The following CSNK1G2 variants were observed in gnomAD, a reference collection of about 807,000 sequenced individuals.
CSNK1G2 encodes the protein casein kinase I isoform gamma-2.
In CSNK1G2, 11 loss-of-function variants were observed where a neutral mutation model predicts 48.0. The ratio of observed to expected loss-of-function variants is 0.23; its 90% CI spans 0.14 to 0.38. The LOEUF is 0.38. Ranked by LOEUF, CSNK1G2 falls within the 10% of genes least tolerant of loss-of-function variation. CSNK1G2 has a pLI of 1.00. For synonymous variants in CSNK1G2, 337 were observed against 254.1 expected, an observed-to-expected ratio of 1.33 and a Z score of -3.10; for missense variants, 446 against 595.5, an observed-to-expected ratio of 0.75 and a Z score of 2.61.
At position 1,944,054 on chromosome 19, in the gene CSNK1G2, C is replaced by G. The variant is rs1018898972; in HGVS notation, c.-266+2636C>G. ...CAGGGCCCATGTGAAGGAGGCCTGG[C>G]CCGAGTCCTGGTTAGGGTTGCGGTG... is the stretch of plus-strand genomic sequence containing the variant. On this transcript the variant is annotated intron_variant, in intron 1 of 11. Coordinates refer to ENST00000255641, the MANE Select transcript of CSNK1G2 (RefSeq NM_001319.7). 2.6e-5 allele frequency among the ~76,000 whole-genome samples: 4 copies of G among 152,058 alleles called. 1 individual carries two copies. The highest frequency in any genetic ancestry group is 2.0e-4 in the Admixed American group (3 of 15,268).
chr19:1,946,854 G>A (rs8108829), intron 1 of CSNK1G2, among the ~76,000 whole-genome samples: 21,154 of 151,494 alleles, frequency 0.14, 1,681 homozygotes, highest in African/African-American at 0.23. Context: ...CTTGTGATCT[G>A]CCCGCCTCGG....
intron 1 of CSNK1G2, among the ~76,000 whole-genome samples, chr19:1,965,368 G>A (rs189696881): frequency 7.8e-6 from 1 of 128,548 alleles, no homozygotes; most frequent in Non-Finnish European, 1.6e-5. Context: ...GGGCGACAGA[G>A]CGAGACTCCG....
At position 1,957,841 on chromosome 19, in the gene CSNK1G2, C is replaced by T. The variant is rs989490235; in HGVS notation, c.-265-11667C>T. Reference sequence around the variant, plus strand: ...CCGTGTTTGTGGGGTGGGAGCTAGGCGGGCGCCGTTTATGTGGGGTGGGCG... The same window carrying T: ...CCGTGTTTGTGGGGTGGGAGCTAGGTGGGCGCCGTTTATGTGGGGTGGGCG... On this transcript the variant is annotated intron_variant, in intron 1 of 11. Coordinates refer to ENST00000255641, the MANE Select transcript of CSNK1G2 (RefSeq NM_001319.7). The surrounding 1 kb of genome is among the most constrained non-coding windows in gnomAD (Gnocchi z 5.4). Among the ~76,000 whole-genome samples the T allele has an allele frequency of 2.0e-5, 3 of 150,884 alleles. No individual in the cohort carries two copies. The highest frequency in any genetic ancestry group is 2.1e-4 in the South Asian group (1 of 4,726).
Position 1,957,612 on chromosome 19 carries a change from G to A in CSNK1G2, c.-265-11896G>A, listed in dbSNP as rs986010310. ...CCCCATGTCCCCTCGCCCGGGGCGCGCTCCACAGGCTAGGCCACTTTCACA... is the reference window on the plus strand; with the variant it reads ...CCCCATGTCCCCTCGCCCGGGGCGCACTCCACAGGCTAGGCCACTTTCACA... On this transcript the variant is annotated intron_variant, in intron 1 of 11. Coordinates refer to ENST00000255641, the MANE Select transcript of CSNK1G2 (RefSeq NM_001319.7). This position sits in a 1 kb window ranked among gnomAD's most constrained non-coding sequence, Gnocchi z 5.4. 3.3e-5 allele frequency among the ~76,000 whole-genome samples: 5 copies of A among 152,174 alleles called. No individual in the cohort carries two copies. The highest frequency in any genetic ancestry group is 7.2e-5 in the African/African-American group (3 of 41,454).
intron 1 of CSNK1G2, among the ~76,000 whole-genome samples, chr19:1,951,357 C>T (rs1042514441): frequency 2.8e-5 from 4 of 144,000 alleles, no homozygotes; most frequent in Admixed American, 6.9e-5. Flanking sequence ...GAGCCGAGAT[C>T]GCACCACTGC....
intron 7 of CSNK1G2, 25 bp from the exon 8 acceptor site, chr19:1,979,294 C>G (rs1175103351): frequency 1.3e-6 from 2 of 1,583,594 alleles, no homozygotes; most frequent in South Asian, 2.3e-5. Flanking sequence ...AGGGCGGGAG[C>G]AAGGCTGACC....
chr19:1,968,742 G>A (rs781619905), intron 1 of CSNK1G2: 104 of 152,850 alleles, frequency 6.8e-4, no homozygotes, highest in Non-Finnish European at 1.4e-3. Flanking sequence ...CCTTGCTTAG[G>A]TGGCTGTTGG....
intron 2 of CSNK1G2, chr19:1,975,116 T>G (rs2015708580): frequency 1.0e-6 from 1 of 985,028 alleles, no homozygotes; most frequent in African/African-American, 1.7e-5. Flanking sequence ...CAGTGCAGAG[T>G]AGAAGAGCCG....
rs751155719 is a variant in CSNK1G2, at chr19:1,980,476, A to G, written c.*273A>G. 14 of 517,724 alleles carry G rather than the reference A, an allele frequency of 2.7e-5. No individual in the cohort carries two copies. The highest frequency in any genetic ancestry group is 1.0e-4 in the East Asian group (3 of 28,594). The allele number at this position is 517,724 out of a possible 1,614,324, so 32.1% of individuals were successfully genotyped here. A position where few individuals can be genotyped will look rare whatever the true frequency, so the allele number is the denominator to read the frequency against. On this transcript the variant is annotated 3_prime_UTR_variant, in exon 12 of 12. Coordinates refer to ENST00000255641, the MANE Select transcript of CSNK1G2 (RefSeq NM_001319.7). ...CTATTTAAAACAAGGAAAAGAGGAA[A>G]AAAAAAACAGAGGCCCGCCCTACCC...
At chr19:1,971,553 G>A (rs538630035) in intron 2 of CSNK1G2, among the ~76,000 whole-genome samples, 5 of 152,250 alleles carry the variant, frequency 3.3e-5, no homozygotes, top group East Asian at 1.9e-4. Context: ...TAAAGCACAC[G>A]CACACAGGCG....
chr19:1,979,694 T>C lies in CSNK1G2; in HGVS notation c.1002+51T>C, dbSNP rs751206948. On this transcript the variant is annotated intron_variant, in intron 9 of 11. Coordinates refer to ENST00000255641, the MANE Select transcript of CSNK1G2 (RefSeq NM_001319.7). ...GGAGCGGGGGACCGGGAAACTGCCC[T>C]GAGGGAGATGGGAACCGGCGCTGCA... 4.4e-6 allele frequency: 7 copies of C among 1,602,070 alleles called. No individual in the cohort carries two copies. In the Admixed American group the frequency reaches 1.2e-4, roughly 27 times the overall value.
At chr19:1,946,240 C>T (rs530576912) in intron 1 of CSNK1G2, among the ~76,000 whole-genome samples, 192 of 143,670 alleles carry the variant, frequency 1.3e-3, no homozygotes, top group African/African-American at 4.5e-3. Flanking sequence ...GGTCACGGGC[C>T]AGGGCTGGCC....
In CSNK1G2 at chr19:1,980,484, C is replaced by G. The variant is rs558871704; in HGVS notation, c.*281C>G. ...AACAAGGAAAAGAGGAAAAAAAAAA[C>G]AGAGGCCCGCCCTACCCCACTCCTG... On this transcript the variant is annotated 3_prime_UTR_variant, in exon 12 of 12. Transcript: ENST00000255641. 1 of 491,634 alleles carries G rather than the reference C, an allele frequency of 2.0e-6. No individual in the cohort carries two copies. The highest frequency in any genetic ancestry group is 2.0e-5 in the African/African-American group (1 of 50,368). 30.5% of individuals were successfully genotyped at this position (491,634 alleles called of 1,614,324 possible).
intron 1 of CSNK1G2, among the ~76,000 whole-genome samples, chr19:1,955,548 C>CGTGTGCCTGGGT (rs1200775155): frequency 7.0e-6 from 1 of 143,196 alleles, no homozygotes; most frequent in Non-Finnish European, 1.5e-5. Flanking sequence ...TGTGCCTGGG[C>CGTGTGCCTGGGT]GAGGCTCCGC....
intron 1 of CSNK1G2, among the ~76,000 whole-genome samples, chr19:1,943,412 G>A (rs569591899): frequency 1.6e-4 from 24 of 152,316 alleles, no homozygotes; most frequent in African/African-American, 5.8e-4. Flanking sequence ...TGTGCAGACA[G>A]ATTTTGTGGA....
chr19:1,942,193 A>C (rs1161292884), intron 1 of CSNK1G2, among the ~76,000 whole-genome samples: 1 of 152,138 alleles, frequency 6.6e-6, no homozygotes, highest in East Asian at 1.9e-4. Context: ...CGCACGGATC[A>C]GGGAGGGAGG....
In CSNK1G2 at chr19:1,971,874, A is replaced by G. The variant is rs796407908; in HGVS notation, c.187+1915A>G. Among the ~76,000 whole-genome samples, 7 of 145,266 alleles carry G rather than the reference A, an allele frequency of 4.8e-5. 2 individuals are homozygous for G. Among genetic ancestry groups the G allele is most frequent in the African/African-American group, 1.8e-4 (7 of 38,706 alleles). On this transcript the variant is annotated intron_variant, in intron 2 of 11. Transcript: ENST00000255641. ...AAGCTCCGCGTCCCGGGTTCACGCCATTCTCCTGCCTCAGCCTCCCGAGTA... is the reference window on the plus strand; with the variant it reads ...AAGCTCCGCGTCCCGGGTTCACGCCGTTCTCCTGCCTCAGCCTCCCGAGTA...
intron 1 of CSNK1G2, among the ~76,000 whole-genome samples, chr19:1,966,381 G>T (rs550118321): frequency 8.0e-4 from 122 of 152,222 alleles, no homozygotes; most frequent in Non-Finnish European, 1.6e-3. Context: ...AGCAGCAAGA[G>T]AACTAGAATG....
Position 1,951,060 on chromosome 19 carries a change from C to T in CSNK1G2, c.-266+9642C>T, listed in dbSNP as rs536330637. 1.5e-3 allele frequency among the ~76,000 whole-genome samples: 215 copies of T among 145,374 alleles called. 29 individuals are homozygous for T. Among genetic ancestry groups the T allele is most frequent in the African/African-American group, 5.4e-3 (204 of 37,816 alleles). ...TGAAATGAGGGGAGGTGAGAGGAGA[C>T]GCCGTGTGCCTGGGGAGGCAACACT... On this transcript the variant is annotated intron_variant, in intron 1 of 11. Coordinates refer to ENST00000255641, the MANE Select transcript of CSNK1G2 (RefSeq NM_001319.7).
Sources: gnomAD v4.1 joint callset for allele counts (sites outside exome capture counted in the v4.1 genomes callset) on GRCh38, gnomAD v4.1.1 for gene constraint, Gnocchi (gnomAD v3.1) non-coding constraint, MANE v1.5 for transcripts, NCBI Gene and HGNC (gene_info 2026-07-23, HGNC 2026-07-21) for gene names.